Variants in JMY observed in about 807,000 individuals in gnomAD.
JMY encodes the protein junction mediating and regulatory protein, p53 cofactor, also known as junction-mediating and -regulatory protein.
JMY carries 46 observed loss-of-function variants against 103.3 expected under a neutral mutation model. That is an observed-to-expected ratio of 0.45 (90% confidence interval 0.35 to 0.57). The LOEUF is 0.57. JMY is among the 20% of genes least tolerant of loss of function. JMY has a pLI of 0.00. For synonymous variants in JMY, 526 were observed against 489.3 expected (o/e 1.07, Z -0.99); for missense variants, 1,238 against 1,255.2 (o/e 0.99, Z 0.21).
chr5:79,300,697 A>G lies in JMY; in HGVS notation c.1715A>G (p.Tyr572Cys). ...LISEKRDEVV[Y>C]YDTYESMEAM... ...ACAGAAAAAAGAGATGAAGTGGTAT[A>G]CTATGACACTTACGAAAGCATGGAG... Residue 572 changes from tyrosine to cysteine, a missense_variant, in exon 6 of 11, where the codon TAC becomes TGC. Coordinates refer to ENST00000396137, the MANE Select transcript of JMY (RefSeq NM_152405.5). 2 of 1,605,036 alleles carry G rather than the reference A, an allele frequency of 1.2e-6. No individual in the cohort carries two copies. Among genetic ancestry groups the G allele is most frequent in the Non-Finnish European group, 1.7e-6 (2 of 1,177,664 alleles).
chr5:79,308,661 G>A (rs1296719886), intron 7 of JMY, among the ~76,000 whole-genome samples: 1 of 152,118 alleles, frequency 6.6e-6, no homozygotes, highest in African/African-American at 2.4e-5. Flanking sequence ...GAATTTATAA[G>A]TCAAGTAGGG....
chr5:79,289,925 AAG>A (rs1225522880), intron 2 of JMY, among the ~76,000 whole-genome samples, 194 bp from the exon 3 acceptor site: 16 of 152,318 alleles, frequency 1.1e-4, no homozygotes, highest in African/African-American at 3.6e-4. Context: ...GGATGGAAGA[AAG>A]GGCAAAATGG....
rs1232990953 is a variant in JMY at position 79,325,137 on chromosome 5, A to G, written c.*3535A>G. 6.6e-6 allele frequency: 1 copy of G among 152,552 alleles called. No individual in the cohort carries two copies. Among genetic ancestry groups the G allele is most frequent in the Non-Finnish European group, 1.5e-5 (1 of 68,028 alleles). The allele number at this position is 152,552 out of a possible 1,614,324, so 9.4% of individuals were successfully genotyped here. On this transcript the variant is annotated 3_prime_UTR_variant, in exon 11 of 11. Coordinates refer to ENST00000396137, the MANE Select transcript of JMY (RefSeq NM_152405.5). ...AATTTAATTTTACACATTCCCTAAGACACCATTTTTAAGTTACAGTCACAT... is the reference window on the plus strand; with the variant it reads ...AATTTAATTTTACACATTCCCTAAGGCACCATTTTTAAGTTACAGTCACAT...
chr5:79,257,831 C>T (rs1464828168), intron 1 of JMY, among the ~76,000 whole-genome samples: 3 of 151,940 alleles, frequency 2.0e-5, no homozygotes, highest in Non-Finnish European at 2.9e-5. Context: ...GGTGCAGTCT[C>T]GACTCACTGC....
At position 79,316,039 on chromosome 5, in the gene JMY, G is replaced by A. The variant is rs754451547; in HGVS notation, c.2699G>A (p.Arg900His). The A allele has an allele frequency of 1.3e-5, 21 of 1,614,070 alleles. No individual in the cohort carries two copies. Among genetic ancestry groups the A allele is most frequent in the East Asian group, 6.7e-5 (3 of 44,904 alleles). The change falls in exon 10 of 11, where the codon CGT (arginine) becomes CAT (histidine). Residue 900 changes from arginine to histidine, a missense_variant. Coordinates refer to ENST00000396137, the MANE Select transcript of JMY (RefSeq NM_152405.5). The part of the protein sequence containing the change: ...PMDEVLASLK[R>H]GSFHLKKVEQ... ...GATGAGGTGCTAGCCTCCTTGAAGC[G>A]TGGTAGTTTTCATCTGAAAAAGGTT...
intron 2 of JMY, among the ~76,000 whole-genome samples, chr5:79,283,296 G>C (rs1003491165): frequency 1.3e-5 from 2 of 152,006 alleles, no homozygotes; most frequent in Non-Finnish European, 2.9e-5. Flanking sequence ...GCCGTCAACA[G>C]AGAGAATTTA....
intron 10 of JMY, among the ~76,000 whole-genome samples, chr5:79,321,208 T>A (rs1747438462): frequency 6.6e-6 from 1 of 152,228 alleles, no homozygotes; most frequent in South Asian, 2.1e-4. Flanking sequence ...TTCAATAAAA[T>A]GCCCGGGTGA....
rs1745988569 is a variant in JMY at position 79,277,907 on chromosome 5, C to T, written c.1033-3C>T. 1 of 1,604,564 alleles carries T rather than the reference C, an allele frequency of 6.2e-7. No individual in the cohort carries two copies. Among genetic ancestry groups the T allele is most frequent in the Non-Finnish European group, 8.5e-7 (1 of 1,173,684 alleles). Reference sequence around the variant, plus strand: ...TTAGTTGTGAAACTGTCTTGTTCCACAGCTCTTGGATAAGCACAAGAATAC... The same window carrying T: ...TTAGTTGTGAAACTGTCTTGTTCCATAGCTCTTGGATAAGCACAAGAATAC... On this transcript the variant is annotated splice_region_variant and splice_polypyrimidine_tract_variant and intron_variant, in intron 1 of 10. Coordinates refer to ENST00000396137, the MANE Select transcript of JMY (RefSeq NM_152405.5).
At chr5:79,304,482 T>C (rs542704970) in intron 6 of JMY, among the ~76,000 whole-genome samples, 16 of 152,310 alleles carry the variant, frequency 1.1e-4, no homozygotes, top group African/African-American at 3.6e-4. Context: ...CCGGCTGTGC[T>C]GGTGAAGTCA....
At chr5:79,268,774 C>T (rs138701239) in intron 1 of JMY, among the ~76,000 whole-genome samples, 1 of 152,330 alleles carries the variant, frequency 6.6e-6, no homozygotes, top group Non-Finnish European at 1.5e-5. Flanking sequence ...AGGCGTGAGC[C>T]ACCGCGCCCG....
rs536417275 is a variant in JMY, at chr5:79,326,899, A to ATT, written c.*5298_*5299insTT. 6.6e-6 allele frequency: 1 copy of ATT among 152,232 alleles called. No individual in the cohort carries two copies. The highest frequency in any genetic ancestry group is 1.5e-5 in the Non-Finnish European group (1 of 68,036). The allele number at this position is 152,232 out of a possible 1,614,324, so 9.4% of individuals were successfully genotyped here. A position where few individuals can be genotyped will look rare whatever the true frequency, so the allele number is the denominator to read the frequency against. On this transcript the variant is annotated 3_prime_UTR_variant, in exon 11 of 11. Coordinates refer to ENST00000396137, the MANE Select transcript of JMY (RefSeq NM_152405.5). ...ACTCTTGCAAATTTACAATACTTAA[A>ATT]TATGTTCAATTAACATCCTAAAGTA...
chr5:79,317,119 T>C (rs963943258), intron 10 of JMY, among the ~76,000 whole-genome samples: 5 of 152,054 alleles, frequency 3.3e-5, no homozygotes, highest in African/African-American at 4.8e-5. Flanking sequence ...CAAACTGTTA[T>C]GCACACTGAA....
chr5:79,282,800 T>C (rs1403958464), intron 2 of JMY, among the ~76,000 whole-genome samples: 1 of 152,150 alleles, frequency 6.6e-6, no homozygotes, highest in Admixed American at 6.5e-5. Flanking sequence ...GTGGTTGGGA[T>C]TGAACACGTG....
intron 1 of JMY, among the ~76,000 whole-genome samples, chr5:79,267,654 A>T: frequency 6.6e-6 from 1 of 152,200 alleles, no homozygotes. Context: ...GGGTCAAGCA[A>T]TCCTCTTACC....
At position 79,324,554 on chromosome 5, in the gene JMY, C is replaced by T. The variant is rs550298663; in HGVS notation, c.*2952C>T. 4 of 152,158 alleles carry T rather than the reference C, an allele frequency of 2.6e-5. No individual in the cohort carries two copies. The highest frequency in any genetic ancestry group is 7.2e-5 in the African/African-American group (3 of 41,506). The allele number at this position is 152,158 out of a possible 1,614,324, so 9.4% of individuals were successfully genotyped here. A position where few individuals can be genotyped will look rare whatever the true frequency, so the allele number is the denominator to read the frequency against. On this transcript the variant is annotated 3_prime_UTR_variant, in exon 11 of 11. Transcript: ENST00000396137. ...ACTTGACTGTCAATTTCAAATGGCT[C>T]CTAATGCAACCAAAATTATAACCAA...
intron 1 of JMY, among the ~76,000 whole-genome samples, chr5:79,238,648 C>CTTTT (rs1055172051): frequency 0.027 from 3,305 of 120,602 alleles, 88 homozygotes; most frequent in South Asian, 0.062. Flanking sequence ...TCCGCGCCTT[C>CTTTT]TTTTTTTTTT....
At chr5:79,265,216 A>G (rs1037386121) in intron 1 of JMY, among the ~76,000 whole-genome samples, 2 of 152,184 alleles carry the variant, frequency 1.3e-5, no homozygotes, top group African/African-American at 2.4e-5. Context: ...GAGCTACTGC[A>G]CCCGGCCAAA....
At chr5:79,265,148 TCTC>T (rs1320641723) in intron 1 of JMY, among the ~76,000 whole-genome samples, 1 of 152,088 alleles carries the variant, frequency 6.6e-6, no homozygotes, top group African/African-American at 2.4e-5. Flanking sequence ...ATGGTCTTGA[TCTC>T]CTGACCTCGT....
chr5:79,247,852 TTTATTTTTTATATTTTATTTTATTTTA>T (rs1429654448), intron 1 of JMY, among the ~76,000 whole-genome samples: 1 of 150,012 alleles, frequency 6.7e-6, no homozygotes, highest in African/African-American at 2.4e-5. Context: ...TTTATTTTAT[TTTATTTTTTATATTTTATTTTATTTTA>T]TTTTATATTT....
Sources: gnomAD v4.1 joint callset for allele counts (sites outside exome capture counted in the v4.1 genomes callset) on GRCh38, gnomAD v4.1.1 for gene constraint, MANE v1.5 for transcripts, NCBI Gene and HGNC (gene_info 2026-07-23, HGNC 2026-07-21) for gene names.